JADE2: variants seen among roughly 807,000 people sequenced by gnomAD.
JADE2 encodes E3 ubiquitin-protein ligase Jade-2.
A neutral mutation model predicts 85.7 loss-of-function variants in JADE2; 13 were observed. The observed-to-expected ratio is 0.15, with a 90% confidence interval of 0.10 to 0.24. JADE2 has a LOEUF of 0.24. Among genes scored for constraint, JADE2 ranks in the 10% least tolerant of loss-of-function variants. The probability of loss-of-function intolerance (pLI) is 1.00; values close to 1 mark genes in which losing one functional copy is unlikely to be tolerated. For missense variants in JADE2, 846 were observed against 1,115.9 expected (o/e 0.76, Z 3.45); for synonymous variants, 440 against 456.1 (o/e 0.96, Z 0.45).
At chr5:134,573,205 A>G (rs997944822) in intron 9 of JADE2, among the ~76,000 whole-genome samples, 5 of 152,254 alleles carry the variant, frequency 3.3e-5, no homozygotes, top group African/African-American at 1.2e-4. Context: ...GGCCTTGGAC[A>G]GGAGGCAGAG....
intron 3 of JADE2, among the ~76,000 whole-genome samples, chr5:134,541,409 C>T (rs952085668): frequency 4.6e-5 from 7 of 152,234 alleles, no homozygotes; most frequent in African/African-American, 7.2e-5. Context: ...CTAAATCTCA[C>T]GGACTGCTCT....
At chr5:134,571,652 G>A (rs1046123441) in intron 9 of JADE2, among the ~76,000 whole-genome samples, 11 of 152,188 alleles carry the variant, frequency 7.2e-5, no homozygotes, top group Non-Finnish European at 1.6e-4. Flanking sequence ...AGCCAAGACT[G>A]TGCCACTGCG....
At chr5:134,558,592 G>A (rs1249133234) in intron 4 of JADE2, among the ~76,000 whole-genome samples, 1 of 152,272 alleles carries the variant, frequency 6.6e-6, no homozygotes, top group Non-Finnish European at 1.5e-5. Context: ...AGGCTGGAGT[G>A]CAGTGGCACG....
intron 4 of JADE2, 98 bp from the exon 5 acceptor site, chr5:134,559,732 T>C: frequency 7.3e-6 from 9 of 1,233,586 alleles, no homozygotes; most frequent in Non-Finnish European, 1.0e-5. Flanking sequence ...AGCACACTTG[T>C]CCATCAGCTC....
In JADE2 at chr5:134,560,880, G is replaced by A. The variant is rs142422383; in HGVS notation, c.607G>A (p.Asp203Asn). 2 of 1,614,188 alleles carry A rather than the reference G, an allele frequency of 1.2e-6. No individual in the cohort carries two copies. Among genetic ancestry groups the A allele is most frequent in the Non-Finnish European group, 1.7e-6 (2 of 1,180,030 alleles). The change falls in exon 6 of 12, where the codon GAC (aspartate) becomes AAC (asparagine). Residue 203 changes from aspartate to asparagine, a missense_variant. Transcript: ENST00000681547. Reference sequence around the variant, plus strand: ...CGAGTACGACGAGGATGTTGTCTGCGACGTGTGTCGCTCTCCTGAGGGCGA... The same window carrying A: ...CGAGTACGACGAGGATGTTGTCTGCAACGTGTGTCGCTCTCCTGAGGGCGA... ...GIEYDEDVVC[D>N]VCRSPEGEDG...
At chr5:134,552,910 C>T (rs1388457399) in intron 4 of JADE2, among the ~76,000 whole-genome samples, 3 of 150,554 alleles carry the variant, frequency 2.0e-5, no homozygotes, top group African/African-American at 7.3e-5. Context: ...TGGGCTCAAG[C>T]GATCTGTCCA....
intron 3 of JADE2, 126 bp from the exon 4 acceptor site, chr5:134,551,926 T>A (rs758756798): frequency 2.3e-6 from 2 of 859,438 alleles, no homozygotes; most frequent in Non-Finnish European, 3.9e-6. Context: ...TTTTATTTCG[T>A]CTTATTTCTA....
intron 3 of JADE2, chr5:134,544,496 C>T (rs1762170676): frequency 6.0e-6 from 1 of 166,948 alleles, no homozygotes; most frequent in Non-Finnish European, 1.5e-5. Context: ...GTGACTCCTT[C>T]CCGAGACTCA....
intron 1 of JADE2, 125 bp from the exon 2 acceptor site, chr5:134,535,733 A>G: frequency 1.3e-6 from 1 of 770,958 alleles, no homozygotes; most frequent in Admixed American, 2.1e-5. Flanking sequence ...AGGCTAGGAC[A>G]GGGCTTTATT....
At chr5:134,567,152 A>T (rs56915882) in intron 9 of JADE2, among the ~76,000 whole-genome samples, 27,240 of 152,212 alleles carry the variant, frequency 0.18, 2,677 homozygotes, top group East Asian at 0.35. Flanking sequence ...CGAAGGAGAC[A>T]GGGTGGACTC....
chr5:134,557,066 AAC>A (rs1258050849), intron 4 of JADE2, among the ~76,000 whole-genome samples: 6 of 140,392 alleles, frequency 4.3e-5, no homozygotes, highest in Non-Finnish European at 4.6e-5. Flanking sequence ...CATCACATAA[AAC>A]ACACACACAC....
At chr5:134,530,535 G>T (rs1036045764) in intron 1 of JADE2, among the ~76,000 whole-genome samples, 3 of 152,236 alleles carry the variant, frequency 2.0e-5, no homozygotes, top group Non-Finnish European at 4.4e-5. Context: ...AAGGCCCACT[G>T]TTCCCAGGGT....
rs1292050677 is a variant in JADE2, at chr5:134,530,216, A to T, written c.-1+4205A>T. 2.0e-5 allele frequency among the ~76,000 whole-genome samples: 3 copies of T among 152,334 alleles called. No individual in the cohort carries two copies. In the East Asian group the frequency reaches 5.8e-4, roughly 29 times the overall value. On this transcript the variant is annotated intron_variant, in intron 1 of 11. Coordinates refer to ENST00000681547, the MANE Select transcript of JADE2 (RefSeq NM_001388185.1). ...TGTTTTCTGAATGTCTGGCCTTCCC[A>T]ACACAAGGAGGCTCTGAGGACAGGT... is the stretch of plus-strand genomic sequence containing the variant.
intron 3 of JADE2, among the ~76,000 whole-genome samples, chr5:134,540,417 A>G (rs1761899427): frequency 6.9e-6 from 1 of 144,456 alleles, no homozygotes; most frequent in Non-Finnish European, 1.5e-5. Flanking sequence ...TTTTTTCAGT[A>G]GAGACAAGGT....
In JADE2 at chr5:134,525,938, A is replaced by G. The variant is rs754120636; in HGVS notation, c.-74A>G. The G allele has an allele frequency of 1.0e-6, 1 of 985,688 alleles. No homozygotes were observed. The highest frequency in any genetic ancestry group is 1.2e-6 in the Non-Finnish European group (1 of 830,412). The allele number at this position is 985,688 out of a possible 1,614,324, so 61.1% of individuals were successfully genotyped here. The stretch of plus-strand genomic sequence containing the variant: ...CCCAGGAGCTCCCGGCTTCGGGAGC[A>G]TCCTTCCCGCGCCGGTCCCTGCAGC... On this transcript the variant is annotated 5_prime_UTR_variant, in exon 1 of 12. Transcript: ENST00000681547.
chr5:134,526,156 G>A, intron 1 of JADE2, 145 bp downstream of exon 1: 1 of 985,430 alleles, frequency 1.0e-6, no homozygotes, highest in Non-Finnish European at 1.2e-6. Flanking sequence ...GCCTGTTCTA[G>A]GAAGCCAGCG....
chr5:134,536,080 T>C (rs1199624249), intron 2 of JADE2, among the ~76,000 whole-genome samples, 165 bp downstream of exon 2: 2 of 152,164 alleles, frequency 1.3e-5, no homozygotes. Context: ...CTTCCACTTC[T>C]AAAAAAGTCC....
chr5:134,566,598 C>T lies in JADE2; in HGVS notation c.1434+18C>T, dbSNP rs2044318. ...TAGAGAGGGTGAGTCCCCATGCCGC[C>T]TGCCCACCCCCTGCCTGGTGGGTCC... On this transcript the variant is annotated intron_variant, in intron 9 of 11. Transcript: ENST00000681547. The surrounding 1 kb of genome is among the most constrained non-coding windows in gnomAD (Gnocchi z 6.7). 418,864 of 1,518,596 alleles carry T rather than the reference C, an allele frequency of 0.28. 58,948 individuals are homozygous for T. The highest frequency in any genetic ancestry group is 0.32 in the African/African-American group (23,450 of 72,464). The allele number at this position is 1,518,596 out of a possible 1,614,324, so 94.1% of individuals were successfully genotyped here. A position where few individuals can be genotyped will look rare whatever the true frequency, so the allele number is the denominator to read the frequency against.
intron 3 of JADE2, among the ~76,000 whole-genome samples, chr5:134,549,366 A>G (rs1182506569): frequency 1.3e-5 from 2 of 152,234 alleles, no homozygotes; most frequent in Admixed American, 6.5e-5. Flanking sequence ...TTTATTAAAA[A>G]TATAAAAACT....
Sources: allele counts gnomAD v4.1 joint callset (sites outside exome capture counted in the v4.1 genomes callset), GRCh38; gene constraint gnomAD v4.1.1; non-coding constraint Gnocchi (gnomAD v3.1); transcripts MANE v1.5; gene names NCBI Gene and HGNC (gene_info 2026-07-23, HGNC 2026-07-21).